Variants in ARIH1 observed in about 807,000 individuals in gnomAD.
ARIH1 encodes the protein ariadne RBR E3 ubiquitin protein ligase 1.
In ARIH1, 8 loss-of-function variants were observed where a neutral mutation model predicts 85.0. That is an observed-to-expected ratio of 0.09 (90% CI 0.06 to 0.17). The LOEUF (loss-of-function observed/expected upper bound fraction) is 0.17. Ranked by LOEUF, ARIH1 falls within the 10% of genes least tolerant of loss-of-function variation. The pLI, the probability that ARIH1 is intolerant of heterozygous loss-of-function variation, is 1.00. For synonymous variants in ARIH1, 238 were observed against 253.6 expected (o/e 0.94, Z 0.59); for missense variants, 311 against 718.1 (o/e 0.43, Z 6.48).
At chr15:72,550,706 C>G (rs1226282551) in intron 3 of ARIH1, among the ~76,000 whole-genome samples, 1 of 152,142 alleles carries the variant, frequency 6.6e-6, no homozygotes, top group Non-Finnish European at 1.5e-5. Context: ...AAGTCTCACT[C>G]TGTTGCCCAG....
Position 72,527,341 on chromosome 15 carries a change from C to T in ARIH1, c.443+9207C>T, listed in dbSNP as rs528771847. 6.2e-4 allele frequency among the ~76,000 whole-genome samples: 94 copies of T among 152,270 alleles called. 1 individual carries two copies. The highest frequency in any genetic ancestry group is 2.1e-3 in the African/African-American group (88 of 41,548). On this transcript the variant is annotated intron_variant, in intron 2 of 13. Transcript: ENST00000379887. ...GACACCACAACTAATACCTCTGCAA[C>T]GTCTGAAAGCTGGATATCTCCTTAC... is the stretch of plus-strand genomic sequence containing the variant.
intron 3 of ARIH1, among the ~76,000 whole-genome samples, chr15:72,547,233 C>T (rs2064133466): frequency 4.9e-5 from 1 of 20,264 alleles, no homozygotes; most frequent in African/African-American, 5.7e-5. Flanking sequence ...GGCCTCTTTC[C>T]TTTTCTCTTT....
intron 3 of ARIH1, among the ~76,000 whole-genome samples, chr15:72,549,435 G>C (rs2064143920): frequency 6.6e-6 from 1 of 152,134 alleles, no homozygotes; most frequent in African/African-American, 2.4e-5. Flanking sequence ...CTAAGAATAA[G>C]ATATGTGAAG....
chr15:72,536,718 C>A lies in ARIH1; in HGVS notation c.444-8102C>A, dbSNP rs1040275700. On this transcript the variant is annotated intron_variant, in intron 2 of 13. Coordinates refer to ENST00000379887, the MANE Select transcript of ARIH1 (RefSeq NM_005744.5). ...CACTGTGGTTAGTTCCTTAATCCAC[C>A]TGCCTTCATCCTGGCTCAGAACTAA... Among the ~76,000 whole-genome samples, 7 of 152,150 alleles carry A rather than the reference C, an allele frequency of 4.6e-5. No homozygotes were observed. In the South Asian group the frequency reaches 1.4e-3, roughly 32 times the overall value.
At chr15:72,566,310 G>A (rs1251326613) in intron 7 of ARIH1, 1 of 427,774 alleles carries the variant, frequency 2.3e-6, no homozygotes, top group Admixed American at 4.4e-5. Flanking sequence ...CAATTATTAT[G>A]AAATTGTCAT....
rs2064308289 is a variant in ARIH1 at position 72,584,574 on chromosome 15, G to A, written c.*1282G>A. 6.6e-6 allele frequency: 1 copy of A among 152,070 alleles called. No homozygotes were observed. The highest frequency in any genetic ancestry group is 6.6e-5 in the Admixed American group (1 of 15,250). The allele number at this position is 152,070 out of a possible 1,614,324, so 9.4% of individuals were successfully genotyped here. A position where few individuals can be genotyped will look rare whatever the true frequency, so the allele number is the denominator to read the frequency against. Reference sequence around the variant, plus strand: ...TAGTCTCAGATTGTGAATTTAAAATGGTGGATACCGAAATTGCTTGTGTGT... The same window carrying A: ...TAGTCTCAGATTGTGAATTTAAAATAGTGGATACCGAAATTGCTTGTGTGT... On this transcript the variant is annotated 3_prime_UTR_variant, in exon 14 of 14. Coordinates refer to ENST00000379887, the MANE Select transcript of ARIH1 (RefSeq NM_005744.5).
intron 1 of ARIH1, among the ~76,000 whole-genome samples, chr15:72,482,358 T>C (rs907032131): frequency 6.6e-5 from 10 of 152,190 alleles, no homozygotes; most frequent in Non-Finnish European, 1.2e-4. Flanking sequence ...GAGTTAAAGC[T>C]GTTAGGTTAG....
At chr15:72,490,275 G>C (rs920834940) in intron 1 of ARIH1, among the ~76,000 whole-genome samples, 17 of 151,740 alleles carry the variant, frequency 1.1e-4, no homozygotes, top group African/African-American at 3.4e-4. Flanking sequence ...TCTCTTACAA[G>C]TTAGTCACCT....
intron 5 of ARIH1, among the ~76,000 whole-genome samples, chr15:72,556,956 C>T (rs1023174484): frequency 3.9e-5 from 6 of 152,136 alleles, no homozygotes; most frequent in African/African-American, 1.4e-4. Flanking sequence ...TTTGTTTATC[C>T]AGTCCACTGT....
At position 72,553,866 on chromosome 15, in the gene ARIH1, G is replaced by A. The variant is rs1235864151; in HGVS notation, c.589-1405G>A. Among the ~76,000 whole-genome samples the A allele has an allele frequency of 3.3e-5, 5 of 152,130 alleles. No homozygotes were observed. In the East Asian group the frequency reaches 9.6e-4, roughly 29 times the overall value. On this transcript the variant is annotated intron_variant, in intron 3 of 13. Coordinates refer to ENST00000379887, the MANE Select transcript of ARIH1 (RefSeq NM_005744.5). Reference sequence around the variant, plus strand: ...TGGGAGGCGAAGGTTGCAGTGAGCCGAGATGGTGCCATTGCACTCCAGCCT... The same window carrying A: ...TGGGAGGCGAAGGTTGCAGTGAGCCAAGATGGTGCCATTGCACTCCAGCCT...
chr15:72,536,785 G>C (rs778329426), intron 2 of ARIH1, among the ~76,000 whole-genome samples: 11 of 152,120 alleles, frequency 7.2e-5, no homozygotes, highest in Non-Finnish European at 1.6e-4. Context: ...CTGCCACTTG[G>C]AAGTAGTATT....
intron 2 of ARIH1, among the ~76,000 whole-genome samples, chr15:72,520,756 C>A (rs1323031195): frequency 6.6e-6 from 1 of 152,084 alleles, no homozygotes; most frequent in Non-Finnish European, 1.5e-5. Flanking sequence ...TTAATCCATC[C>A]TCTGTACAAG....
chr15:72,505,826 C>T (rs569104381), intron 1 of ARIH1, among the ~76,000 whole-genome samples: 166 of 152,196 alleles, frequency 1.1e-3, no homozygotes, highest in Non-Finnish European at 2.1e-4. Flanking sequence ...CCCTCTGCCT[C>T]CCGAGTTCAA....
intron 1 of ARIH1, among the ~76,000 whole-genome samples, chr15:72,478,855 T>C (rs1363662692): frequency 1.3e-5 from 2 of 152,126 alleles, no homozygotes; most frequent in African/African-American, 2.4e-5. Context: ...TCAGAAATGC[T>C]CTGAAATCAC....
At chr15:72,557,480 TTC>T (rs2064179330) in intron 5 of ARIH1, among the ~76,000 whole-genome samples, 1 of 152,208 alleles carries the variant, frequency 6.6e-6, no homozygotes, top group African/African-American at 2.4e-5. Context: ...TTTAAATATT[TTC>T]TCTCATTCTG....
intron 3 of ARIH1, among the ~76,000 whole-genome samples, chr15:72,554,043 A>G (rs555521679): frequency 6.6e-6 from 1 of 152,328 alleles, no homozygotes; most frequent in South Asian, 2.1e-4. Context: ...TGTGGCATTT[A>G]TCAGTACTTT....
At chr15:72,571,082 T>G (rs940990857) in intron 10 of ARIH1, among the ~76,000 whole-genome samples, 1 of 118,424 alleles carries the variant, frequency 8.4e-6, no homozygotes, top group Non-Finnish European at 1.6e-5. Context: ...TGAACCAAGA[T>G]CGCCCCATTG....
intron 1 of ARIH1, among the ~76,000 whole-genome samples, chr15:72,504,444 A>G (rs759202989): frequency 1.4e-4 from 22 of 152,158 alleles, no homozygotes; most frequent in South Asian, 2.1e-4. Context: ...CGCTTGAAGG[A>G]TGGTGGAGGC....
chr15:72,570,717 A>G (rs964186791), intron 10 of ARIH1, among the ~76,000 whole-genome samples: 3 of 152,252 alleles, frequency 2.0e-5, no homozygotes, highest in African/African-American at 4.8e-5. Context: ...TACTCTGCAT[A>G]TCATTAGACA....
Sources: allele counts gnomAD v4.1 joint callset (sites outside exome capture counted in the v4.1 genomes callset), GRCh38; gene constraint gnomAD v4.1.1; transcripts MANE v1.5; gene names NCBI Gene and HGNC (gene_info 2026-07-23, HGNC 2026-07-21).